Variants in SLAMF1 observed in about 807,000 individuals in gnomAD.
SLAMF1 encodes the protein signaling lymphocytic activation molecule family member 1.
SLAMF1 carries 18 observed loss-of-function variants against 35.1 expected under a neutral mutation model. The ratio of observed to expected loss-of-function variants is 0.51; its 90% CI spans 0.35 to 0.76. The LOEUF is 0.76. Ranked by LOEUF, SLAMF1 falls within the 30% of genes least tolerant of loss-of-function variation. SLAMF1 has a pLI of 0.01. For missense variants in SLAMF1, 392 were observed against 413.0 expected (o/e 0.95, Z 0.44); for synonymous variants, 168 against 157.2 (o/e 1.07, Z -0.51).
intron 3 of SLAMF1, among the ~76,000 whole-genome samples, chr1:160,627,860 T>C (rs1395615776): frequency 2.6e-5 from 4 of 152,188 alleles, no homozygotes; most frequent in African/African-American, 9.7e-5. Flanking sequence ...CCTTGAATTG[T>C]AATAATCCCC....
chr1:160,631,096 G>A (rs576401368), intron 3 of SLAMF1, among the ~76,000 whole-genome samples: 5 of 152,090 alleles, frequency 3.3e-5, no homozygotes, highest in African/African-American at 1.2e-4. Flanking sequence ...TTATCTTTGT[G>A]TACTGGCCCC....
chr1:160,620,848 A>G (rs987945284), intron 4 of SLAMF1, among the ~76,000 whole-genome samples: 9 of 152,246 alleles, frequency 5.9e-5, no homozygotes, highest in African/African-American at 2.2e-4. Context: ...AACTGTGACT[A>G]ATGTCACTGA....
chr1:160,637,153 G>A (rs369310413), intron 2 of SLAMF1, 38 bp downstream of exon 2: 1 of 1,428,852 alleles, frequency 7.0e-7, no homozygotes, highest in Non-Finnish European at 9.9e-7. Flanking sequence ...GGAGCACCTT[G>A]GCCCTTTAGT....
intron 2 of SLAMF1, among the ~76,000 whole-genome samples, chr1:160,636,471 A>T (rs775898976): frequency 3.3e-5 from 5 of 152,228 alleles, no homozygotes; most frequent in Non-Finnish European, 7.3e-5. Context: ...GGGAATTCAG[A>T]TGAGTCTCTG....
chr1:160,637,044 T>C lies in SLAMF1; in HGVS notation c.415+147A>G, dbSNP rs971951439. 1.1e-4 allele frequency: 71 copies of C among 622,426 alleles called. 2 individuals carry two copies. The Admixed American group carries it at 2.1e-3, about 18-fold the overall frequency. The allele number at this position is 622,426 out of a possible 1,614,324, so 38.6% of individuals were successfully genotyped here. ...ATGTCAACCTTTAAAACGTCTTCCA[T>C]GCAGCAGGTTTAAATACCCCCAAAC... On this transcript the variant is annotated intron_variant, in intron 2 of 6. Coordinates refer to ENST00000302035, the MANE Select transcript of SLAMF1 (RefSeq NM_003037.5).
chr1:160,619,947 C>T (rs1458302364), intron 4 of SLAMF1, 98 bp from the exon 5 acceptor site: 4 of 795,432 alleles, frequency 5.0e-6, no homozygotes, highest in Non-Finnish European at 8.9e-6. Context: ...ACCCACTTTC[C>T]CCAAGGGCAC....
chr1:160,636,678 T>C (rs1660469581), intron 2 of SLAMF1, among the ~76,000 whole-genome samples: 1 of 152,260 alleles, frequency 6.6e-6, no homozygotes, highest in African/African-American at 2.4e-5. Flanking sequence ...GGTGCCGGAA[T>C]GCAGGGCTTA....
chr1:160,617,773 T>C (rs1659385971), intron 5 of SLAMF1, among the ~76,000 whole-genome samples: 1 of 152,106 alleles, frequency 6.6e-6, no homozygotes, highest in African/African-American at 2.4e-5. Flanking sequence ...TTTATGGTAT[T>C]AGAAGACTCA....
Position 160,644,464 on chromosome 1 carries a change from C to G in SLAMF1, c.76+2406G>C, listed in dbSNP as rs950748517. Among the ~76,000 whole-genome samples the G allele has an allele frequency of 5.9e-5, 9 of 152,192 alleles. No individual in the cohort carries two copies. In the East Asian group the frequency reaches 1.2e-3, roughly 20 times the overall value. ...ACACATAAAGCATTTAGAACAGTGC[C>G]TGGTATATGGCAAGTATGCAGTATA... On this transcript the variant is annotated intron_variant, in intron 1 of 6. Coordinates refer to ENST00000302035, the MANE Select transcript of SLAMF1 (RefSeq NM_003037.5).
intron 2 of SLAMF1, among the ~76,000 whole-genome samples, chr1:160,635,800 C>T (rs1197820697): frequency 6.6e-6 from 1 of 151,100 alleles, no homozygotes; most frequent in Non-Finnish European, 1.5e-5. Context: ...AGGATGGTCT[C>T]GATCTCCTGA....
chr1:160,639,390 TAATTTTTTG>T (rs1040132891), intron 1 of SLAMF1, among the ~76,000 whole-genome samples: 8 of 152,154 alleles, frequency 5.3e-5, no homozygotes, highest in Non-Finnish European at 1.2e-4. Flanking sequence ...CATGCACTGC[TAATTTTTTG>T]TATTTTTAGT....
chr1:160,612,291 G>A (rs1222107149), intron 6 of SLAMF1, among the ~76,000 whole-genome samples, 197 bp downstream of exon 6: 2 of 151,070 alleles, frequency 1.3e-5, no homozygotes, highest in African/African-American at 4.9e-5. Flanking sequence ...TACATGTGCT[G>A]GTTTGTTACA....
rs1444263094 is a variant in SLAMF1, at chr1:160,629,725, C to T, written c.700+4888G>A. On this transcript the variant is annotated intron_variant, in intron 3 of 6. Transcript: ENST00000302035. ...TTGCGCTCATGCTTTCGTGGTAATA[C>T]GAGTCTTTTCTGGGCATGTAGCTGC... Among the ~76,000 whole-genome samples the T allele has an allele frequency of 2.0e-5, 3 of 152,302 alleles. No individual in the cohort carries two copies. The South Asian group carries it at 6.2e-4, about 32-fold the overall frequency.
At chr1:160,621,039 T>C (rs1019218411) in intron 4 of SLAMF1, among the ~76,000 whole-genome samples, 1 of 152,218 alleles carries the variant, frequency 6.6e-6, no homozygotes, top group African/African-American at 2.4e-5. Context: ...TAAAATGTAT[T>C]GAGGACATTT....
At chr1:160,627,397 G>A (rs1200037324) in intron 3 of SLAMF1, among the ~76,000 whole-genome samples, 1 of 152,128 alleles carries the variant, frequency 6.6e-6, no homozygotes, top group Non-Finnish European at 1.5e-5. Context: ...GTACATAATA[G>A]AGTCTCAGTA....
At chr1:160,645,391 G>A (rs762226286) in intron 1 of SLAMF1, among the ~76,000 whole-genome samples, 8 of 152,232 alleles carry the variant, frequency 5.3e-5, no homozygotes, top group Non-Finnish European at 1.0e-4. Flanking sequence ...GCAATGAAGT[G>A]AGCAGCCTCC....
intron 5 of SLAMF1, among the ~76,000 whole-genome samples, chr1:160,616,136 G>A (rs1224332307): frequency 2.0e-5 from 3 of 152,146 alleles, no homozygotes; most frequent in African/African-American, 7.2e-5. Flanking sequence ...TGACTACCCA[G>A]GTCCCTTCCA....
At chr1:160,614,553 A>G (rs1225831168) in intron 5 of SLAMF1, among the ~76,000 whole-genome samples, 2 of 146,714 alleles carry the variant, frequency 1.4e-5, no homozygotes, top group African/African-American at 4.9e-5. Flanking sequence ...TAGCCTGGCG[A>G]CAGAGTGAGA....
chr1:160,613,051 C>G (rs1659086591), intron 5 of SLAMF1, among the ~76,000 whole-genome samples: 1 of 152,186 alleles, frequency 6.6e-6, no homozygotes, highest in East Asian at 1.9e-4. Context: ...GTGTTAAATA[C>G]TGTTGTTACT....
Sources: allele counts gnomAD v4.1 joint callset (sites outside exome capture counted in the v4.1 genomes callset), GRCh38; gene constraint gnomAD v4.1.1; transcripts MANE v1.5; gene names NCBI Gene and HGNC (gene_info 2026-07-23, HGNC 2026-07-21).